TRIM33: variants seen among roughly 807,000 people sequenced by gnomAD.
The protein encoded by TRIM33 is E3 ubiquitin-protein ligase TRIM33.
A neutral mutation model predicts 125.4 loss-of-function variants in TRIM33; 20 were observed. That is an observed-to-expected ratio of 0.16 (90% CI 0.11 to 0.23). The LOEUF (loss-of-function observed/expected upper bound fraction) is 0.23, where lower values mean the gene tolerates loss of function less well. Ranked by LOEUF, TRIM33 falls within the 10% of genes least tolerant of loss-of-function variation. The pLI is 1.00. For synonymous variants in TRIM33, 564 were observed against 513.9 expected (o/e 1.10, Z -1.32); for missense variants, 920 against 1,411.4 (o/e 0.65, Z 5.58).
chr1:114,416,783 C>T (rs1425060485), intron 11 of TRIM33, among the ~76,000 whole-genome samples: 1 of 152,140 alleles, frequency 6.6e-6, no homozygotes, highest in Non-Finnish European at 1.5e-5. Flanking sequence ...TTAATCTAGC[C>T]AAATTCAGTA....
intron 1 of TRIM33, among the ~76,000 whole-genome samples, chr1:114,466,919 G>A (rs1383765401): frequency 1.3e-5 from 2 of 152,190 alleles, no homozygotes. Flanking sequence ...TCTTCAAGAA[G>A]TTTATATGTA....
intron 1 of TRIM33, among the ~76,000 whole-genome samples, chr1:114,481,971 G>A (rs763255687): frequency 1.5e-4 from 23 of 151,998 alleles, no homozygotes; most frequent in East Asian, 7.7e-4. Flanking sequence ...ATGTTGGCGC[G>A]GCTGGTCTTG....
chr1:114,485,079 T>A lies in TRIM33; in HGVS notation c.527-20691A>T, dbSNP rs370633210. On this transcript the variant is annotated intron_variant, in intron 1 of 19. Coordinates refer to ENST00000358465, the MANE Select transcript of TRIM33 (RefSeq NM_015906.4). ...AAAAAAAAAAAAAGTACGTGTTTAT[T>A]AAAGTCTCCAAAACTCCAAACTCCC... Among the ~76,000 whole-genome samples, 31 of 152,024 alleles carry A rather than the reference T, an allele frequency of 2.0e-4. 1 individual carries two copies. In the East Asian group the frequency reaches 5.4e-3, roughly 27 times the overall value.
intron 1 of TRIM33, among the ~76,000 whole-genome samples, chr1:114,478,323 G>A (rs995618077): frequency 2.0e-5 from 3 of 152,162 alleles, no homozygotes; most frequent in African/African-American, 4.8e-5. Flanking sequence ...AGGTGAATGC[G>A]AAAACATGAG....
At chr1:114,418,820 A>G (rs1322282808) in intron 11 of TRIM33, among the ~76,000 whole-genome samples, 1 of 152,008 alleles carries the variant, frequency 6.6e-6, no homozygotes, top group South Asian at 2.1e-4. Flanking sequence ...CGATTCAGCA[A>G]TTAAGGGGGA....
chr1:114,488,260 CAA>C (rs1651839578), intron 1 of TRIM33, among the ~76,000 whole-genome samples: 2 of 152,156 alleles, frequency 1.3e-5, no homozygotes, highest in African/African-American at 4.8e-5. Context: ...CAAACGAAGT[CAA>C]GAGAAACAAA....
intron 1 of TRIM33, among the ~76,000 whole-genome samples, chr1:114,506,509 C>T (rs769416719): frequency 6.6e-6 from 1 of 151,640 alleles, no homozygotes. Context: ...AGAGTTTGTT[C>T]AGATGCATCA....
At chr1:114,462,502 T>A (rs1650057276) in intron 4 of TRIM33, among the ~76,000 whole-genome samples, 2 of 152,320 alleles carry the variant, frequency 1.3e-5, no homozygotes, top group Admixed American at 6.5e-5. Context: ...AATAAACAGA[T>A]GCCATGGAAG....
chr1:114,463,154 A>G lies in TRIM33; in HGVS notation c.873T>C (p.Cys291=), dbSNP rs773720624. The G allele has an allele frequency of 3.7e-6, 6 of 1,613,144 alleles. No homozygotes were observed. Among genetic ancestry groups the G allele is most frequent in the South Asian group, 1.1e-5 (1 of 90,796 alleles). Residue 291 remains cysteine, a synonymous_variant, in exon 4 of 20, where the codon TGT becomes TGC. Transcript: ENST00000358465. ...QEQLKLFCET[C]DRLTCRDCQL... is the part of the protein sequence containing the mutation. ...GACAGTCTCTACATGTCAATCTATC[A>G]CATGTTTCACAGAAAAGTTTCAACT...
intron 8 of TRIM33, 43 bp downstream of exon 8, chr1:114,427,134 T>C: frequency 1.1e-6 from 1 of 929,250 alleles, no homozygotes; most frequent in Non-Finnish European, 1.7e-6. Flanking sequence ...CTCCTTCTAA[T>C]TCAGTGTTCC....
intron 4 of TRIM33, among the ~76,000 whole-genome samples, chr1:114,450,241 A>G (rs1411454661): frequency 2.0e-5 from 3 of 152,176 alleles, no homozygotes; most frequent in African/African-American, 7.2e-5. Context: ...CCTGGGCAAC[A>G]AGAGCAAAAT....
intron 4 of TRIM33, among the ~76,000 whole-genome samples, chr1:114,461,215 A>AAAAAT (rs1189329511): frequency 3.1e-4 from 41 of 133,136 alleles, no homozygotes; most frequent in African/African-American, 9.4e-4. Context: ...TGTCTTTAAA[A>AAAAAT]ATATATATAT....
At chr1:114,454,008 AC>A (rs1649484331) in intron 4 of TRIM33, among the ~76,000 whole-genome samples, 1 of 152,340 alleles carries the variant, frequency 6.6e-6, no homozygotes, top group East Asian at 1.9e-4. Context: ...AATAAACATA[AC>A]TGTGAGTATA....
chr1:114,459,688 G>A lies in TRIM33; in HGVS notation c.923+3416C>T, dbSNP rs557349863. Among the ~76,000 whole-genome samples, 14 of 152,142 alleles carry A rather than the reference G, an allele frequency of 9.2e-5. No individual in the cohort carries two copies. In the South Asian group the frequency reaches 2.5e-3, roughly 27 times the overall value. On this transcript the variant is annotated intron_variant, in intron 4 of 19. Transcript: ENST00000358465. ...GGACACTGAAGTGGAAGAACCACTT[G>A]AGCCCAAGAGCTTGAGTCCAGCCTG...
At chr1:114,506,689 C>A (rs528594426) in intron 1 of TRIM33, among the ~76,000 whole-genome samples, 7 of 152,220 alleles carry the variant, frequency 4.6e-5, no homozygotes, top group African/African-American at 1.7e-4. Flanking sequence ...CTACTGATAG[C>A]TGTTCTGCCT....
intron 4 of TRIM33, among the ~76,000 whole-genome samples, chr1:114,451,022 AG>A (rs1649277062): frequency 6.6e-6 from 1 of 152,164 alleles, no homozygotes; most frequent in Non-Finnish European, 1.5e-5. Flanking sequence ...AGAGGTAGGA[AG>A]GGACAGTGAA....
At chr1:114,435,985 G>T (rs71664843) in intron 4 of TRIM33, among the ~76,000 whole-genome samples, 27 of 146,312 alleles carry the variant, frequency 1.8e-4, no homozygotes, top group Non-Finnish European at 3.7e-4. Flanking sequence ...CTCCTGCCTC[G>T]GCCAAAATGC....
chr1:114,425,704 A>G lies in TRIM33; in HGVS notation c.1440T>C (p.Ser480=), dbSNP rs1267443071. 3 of 1,600,622 alleles carry G rather than the reference A, an allele frequency of 1.9e-6. No homozygotes were observed. Among genetic ancestry groups the G allele is most frequent in the Non-Finnish European group, 2.6e-6 (3 of 1,174,302 alleles). The change falls in exon 9 of 20, where the codon AGT becomes AGC. Residue 480 remains serine, a synonymous_variant. Transcript: ENST00000358465. ...TAGGAGTATAACCAGGAGCTGGTTTACTCTCTATTACTAGATTACCTGAAA... is the reference window on the plus strand; with the variant it reads ...TAGGAGTATAACCAGGAGCTGGTTTGCTCTCTATTACTAGATTACCTGAAA... The part of the protein sequence containing the change: ...VVNLGNLVIE[S]KPAPGYTPNV...
At chr1:114,408,890 C>G in intron 12 of TRIM33, 150 bp from the exon 13 acceptor site, 1 of 571,830 alleles carries the variant, frequency 1.7e-6, no homozygotes, top group South Asian at 2.1e-5. Context: ...CATGTGTAAC[C>G]ATTAGCAGAC....
Sources: allele counts gnomAD v4.1 joint callset (sites outside exome capture counted in the v4.1 genomes callset), GRCh38; gene constraint gnomAD v4.1.1; transcripts MANE v1.5; gene names NCBI Gene and HGNC (gene_info 2026-07-23, HGNC 2026-07-21).